INPP4B: variants seen among roughly 807,000 people sequenced by gnomAD.
INPP4B encodes inositol polyphosphate-4-phosphatase type II B, also known as inositol polyphosphate 4-phosphatase type II.
INPP4B carries 55 observed loss-of-function variants against 122.5 expected under a neutral mutation model. That is an observed-to-expected ratio of 0.45 (90% CI 0.36 to 0.56). The LOEUF (loss-of-function observed/expected upper bound fraction) is 0.56, where lower values mean the gene tolerates loss of function less well. Among genes scored for constraint, INPP4B ranks in the 20% least tolerant of loss-of-function variants. The pLI is 0.00. For missense variants in INPP4B, 1,000 were observed against 1,097.7 expected (o/e 0.91, Z 1.26); for synonymous variants, 403 against 388.7 (o/e 1.04, Z -0.43).
intron 17 of INPP4B, among the ~76,000 whole-genome samples, chr4:142,159,058 A>G (rs927239797): frequency 6.6e-6 from 1 of 152,010 alleles, no homozygotes; most frequent in African/African-American, 2.4e-5. Context: ...TATAATTTAT[A>G]TTACTTAAGA....
intron 2 of INPP4B, among the ~76,000 whole-genome samples, chr4:142,665,490 T>A: frequency 1.4e-5 from 1 of 69,784 alleles, no homozygotes; most frequent in African/African-American, 4.5e-5. Context: ...CGAGACTCTG[T>A]CTCAAAAAAA....
intron 2 of INPP4B, among the ~76,000 whole-genome samples, chr4:142,676,290 T>C (rs11975769): frequency 2.0e-5 from 3 of 152,044 alleles, no homozygotes; most frequent in African/African-American, 4.8e-5. Flanking sequence ...TTACAAGGGA[T>C]GTGAAGGACC....
intron 7 of INPP4B, among the ~76,000 whole-genome samples, chr4:142,353,152 T>C (rs1782439921): frequency 6.6e-6 from 1 of 152,030 alleles, no homozygotes; most frequent in African/African-American, 2.4e-5. Flanking sequence ...CTTTTATTAA[T>C]GAGGCGCAGC....
intron 3 of INPP4B, among the ~76,000 whole-genome samples, chr4:142,454,439 A>G (rs779085254): frequency 1.3e-5 from 2 of 152,072 alleles, no homozygotes; most frequent in Non-Finnish European, 1.5e-5. Flanking sequence ...CCACTTCATG[A>G]ACTATTCTGA....
intron 2 of INPP4B, among the ~76,000 whole-genome samples, chr4:142,720,426 G>T (rs1300696398): frequency 6.6e-6 from 1 of 151,836 alleles, no homozygotes; most frequent in Non-Finnish European, 1.5e-5. Context: ...GTGGGGTATG[G>T]TTCCAGGTTT....
At chr4:142,172,716 G>T (rs1408677428) in intron 16 of INPP4B, among the ~76,000 whole-genome samples, 2 of 151,976 alleles carry the variant, frequency 1.3e-5, no homozygotes, top group Non-Finnish European at 2.9e-5. Context: ...TGAATAAAAA[G>T]TATGGACATA....
At chr4:142,451,880 G>A (rs1194724483) in intron 3 of INPP4B, among the ~76,000 whole-genome samples, 1 of 152,182 alleles carries the variant, frequency 6.6e-6, no homozygotes, top group African/African-American at 2.4e-5. Context: ...TAAGAGTAAT[G>A]TATATGAAGG....
intron 25 of INPP4B, among the ~76,000 whole-genome samples, chr4:142,043,964 A>C (rs1354376065): frequency 6.6e-6 from 1 of 152,212 alleles, no homozygotes; most frequent in Non-Finnish European, 1.5e-5. Flanking sequence ...ACAATAGTAA[A>C]GGCAAGAAAT....
intron 25 of INPP4B, among the ~76,000 whole-genome samples, chr4:142,056,235 G>A (rs939660861): frequency 7.2e-5 from 11 of 151,968 alleles, no homozygotes; most frequent in Admixed American, 7.2e-4. Flanking sequence ...CAGGGGGTTG[G>A]GAACCCCTGC....
chr4:142,437,619 A>C (rs914102720), intron 3 of INPP4B, among the ~76,000 whole-genome samples: 2 of 152,160 alleles, frequency 1.3e-5, no homozygotes, highest in African/African-American at 4.8e-5. Flanking sequence ...ATTCTTAAAG[A>C]AAAGAATTTT....
chr4:142,734,847 G>A (rs1439507966), intron 1 of INPP4B, among the ~76,000 whole-genome samples: 1 of 152,160 alleles, frequency 6.6e-6, no homozygotes, highest in Non-Finnish European at 1.5e-5. Context: ...GTTACACCAT[G>A]TTGGTCAGAC....
chr4:142,185,772 G>C (rs1463040587), intron 15 of INPP4B, among the ~76,000 whole-genome samples: 1 of 151,310 alleles, frequency 6.6e-6, no homozygotes. Context: ...CCAGCTACTC[G>C]GGAGGCTGAG....
intron 25 of INPP4B, among the ~76,000 whole-genome samples, chr4:142,045,309 T>G (rs545108183): frequency 1.3e-5 from 2 of 152,226 alleles, no homozygotes; most frequent in East Asian, 3.9e-4. Context: ...TTAACACCAG[T>G]GACTGTCAAA....
At chr4:142,808,018 C>T (rs1230205431) in intron 1 of INPP4B, among the ~76,000 whole-genome samples, 1 of 151,986 alleles carries the variant, frequency 6.6e-6, no homozygotes, top group African/African-American at 2.4e-5. Flanking sequence ...CATCATCTTC[C>T]ATTACCACCT....
In INPP4B at chr4:142,768,906, T is replaced by C. The variant is rs1384654810; in HGVS notation, c.-253-43005A>G. ...ACAGGGAACAAGGAAAGGATTTGTT[T>C]TTTGGAACTTGCTAGAAGTATGGAG... is the stretch of plus-strand genomic sequence containing the variant. On this transcript the variant is annotated intron_variant, in intron 1 of 25. Coordinates refer to ENST00000262992, the MANE Select transcript of INPP4B (RefSeq NM_001101669.3). 5.9e-5 allele frequency among the ~76,000 whole-genome samples: 9 copies of C among 152,262 alleles called. No individual in the cohort carries two copies. In the East Asian group the frequency reaches 1.7e-3, roughly 29 times the overall value.
intron 1 of INPP4B, among the ~76,000 whole-genome samples, chr4:142,808,749 T>C (rs1779153476): frequency 6.6e-6 from 1 of 152,138 alleles, no homozygotes; most frequent in South Asian, 2.1e-4. Flanking sequence ...CTTTTCAGAA[T>C]GTTTTAATTT....
chr4:142,487,589 A>G (rs530975219), intron 2 of INPP4B, among the ~76,000 whole-genome samples: 1 of 152,274 alleles, frequency 6.6e-6, no homozygotes, highest in African/African-American at 2.4e-5. Context: ...TGGATTAAAC[A>G]TGAAATAAAA....
intron 1 of INPP4B, among the ~76,000 whole-genome samples, chr4:142,755,887 A>T (rs1258985249): frequency 6.6e-6 from 1 of 152,054 alleles, no homozygotes; most frequent in African/African-American, 2.4e-5. Flanking sequence ...TCTCACCCAG[A>T]AATTGTTCCC....
At chr4:142,139,604 G>A (rs1257429911) in intron 18 of INPP4B, among the ~76,000 whole-genome samples, 2 of 152,160 alleles carry the variant, frequency 1.3e-5, no homozygotes, top group East Asian at 3.9e-4. Flanking sequence ...ACCCTGCCCG[G>A]CCCAGTCTTT....
Sources: gnomAD v4.1 joint callset for allele counts (sites outside exome capture counted in the v4.1 genomes callset) on GRCh38, gnomAD v4.1.1 for gene constraint, MANE v1.5 for transcripts, NCBI Gene and HGNC (gene_info 2026-07-23, HGNC 2026-07-21) for gene names.